The following FRS2 variants were observed in gnomAD, a reference collection of about 807,000 sequenced individuals.
FRS2 encodes the protein fibroblast growth factor receptor substrate 2.
A neutral mutation model predicts 43.9 loss-of-function variants in FRS2; 8 were observed. That is an observed-to-expected ratio of 0.18 (90% CI 0.11 to 0.33). The LOEUF is 0.33. Among genes scored for constraint, FRS2 ranks in the 10% least tolerant of loss-of-function variants. FRS2 has a pLI of 1.00. For synonymous variants in FRS2, 219 were observed against 220.3 expected (o/e 0.99, Z 0.05); for missense variants, 534 against 627.6 (o/e 0.85, Z 1.59).
In FRS2 at chr12:69,579,296, C is replaced by G. The variant is rs1258808963; in HGVS notation, c.*4341C>G. ...CATGTCATCAGGCATGAAAAGTTTT[C>G]TCATATATGATGTAAACTTGCTTTT... On this transcript the variant is annotated 3_prime_UTR_variant, in exon 9 of 9. Transcript: ENST00000549921. The G allele has an allele frequency of 1.3e-5, 2 of 152,594 alleles. No individual in the cohort carries two copies. The highest frequency in any genetic ancestry group is 2.9e-5 in the Non-Finnish European group (2 of 68,034). 9.5% of individuals were successfully genotyped at this position (152,594 alleles called of 1,614,324 possible).
chr12:69,550,448 G>C (rs765625261), intron 3 of FRS2, among the ~76,000 whole-genome samples: 19 of 152,196 alleles, frequency 1.2e-4, no homozygotes, highest in Non-Finnish European at 1.9e-4. Flanking sequence ...CAGATTCAGA[G>C]AAGTTAAGTA....
chr12:69,525,280 A>G (rs1876102264), intron 1 of FRS2, among the ~76,000 whole-genome samples: 1 of 152,104 alleles, frequency 6.6e-6, no homozygotes, highest in Admixed American at 6.5e-5. Context: ...AAGTATTTAA[A>G]TATGCATTAT....
chr12:69,570,770 G>A (rs1880688023), intron 6 of FRS2, among the ~76,000 whole-genome samples: 1 of 152,150 alleles, frequency 6.6e-6, no homozygotes, highest in Admixed American at 6.6e-5. Context: ...TTGACTAAGT[G>A]TCTTTATCAT....
intron 1 of FRS2, among the ~76,000 whole-genome samples, chr12:69,517,675 G>A (rs1875193478): frequency 6.6e-6 from 1 of 152,040 alleles, no homozygotes; most frequent in African/African-American, 2.4e-5. Context: ...CATAATTCAT[G>A]CATTTATTTA....
intron 3 of FRS2, among the ~76,000 whole-genome samples, chr12:69,535,365 C>T (rs1877173114): frequency 6.6e-6 from 1 of 151,656 alleles, no homozygotes; most frequent in East Asian, 1.9e-4. Flanking sequence ...TTTGTTAATC[C>T]CTACAGTGAT....
chr12:69,573,766 G>C (rs956517901), intron 8 of FRS2, among the ~76,000 whole-genome samples: 3 of 152,168 alleles, frequency 2.0e-5, no homozygotes, highest in Non-Finnish European at 4.4e-5. Context: ...CCCAGCCTGC[G>C]TGTTATTTTG....
chr12:69,559,047 A>T (rs897464658), intron 3 of FRS2, among the ~76,000 whole-genome samples: 2 of 152,222 alleles, frequency 1.3e-5, no homozygotes, highest in Non-Finnish European at 2.9e-5. Context: ...AAAGTGGCTC[A>T]CACCTGTAAT....
intron 1 of FRS2, among the ~76,000 whole-genome samples, chr12:69,479,410 T>C (rs1871163362): frequency 6.6e-6 from 1 of 150,596 alleles, no homozygotes; most frequent in Non-Finnish European, 1.5e-5. Flanking sequence ...TTTTTTTTCT[T>C]TTTTTTTGAG....
chr12:69,490,046 G>A (rs759035649), intron 1 of FRS2, among the ~76,000 whole-genome samples: 7 of 151,442 alleles, frequency 4.6e-5, no homozygotes, highest in South Asian at 2.1e-4. Context: ...ATGTTCAGAT[G>A]GCCAAGTCAT....
At chr12:69,473,347 T>C (rs976697070) in intron 1 of FRS2, among the ~76,000 whole-genome samples, 2 of 152,228 alleles carry the variant, frequency 1.3e-5, no homozygotes, top group Non-Finnish European at 2.9e-5. Flanking sequence ...ACTGGTAACC[T>C]GAGTTTAATG....
intron 1 of FRS2, among the ~76,000 whole-genome samples, chr12:69,491,321 C>A (rs954093301): frequency 1.3e-5 from 2 of 152,184 alleles, no homozygotes; most frequent in East Asian, 3.9e-4. Context: ...CTCTCAAACA[C>A]CTGAGCTCCA....
At chr12:69,550,604 C>A (rs1404525377) in intron 3 of FRS2, among the ~76,000 whole-genome samples, 1 of 152,178 alleles carries the variant, frequency 6.6e-6, no homozygotes, top group East Asian at 1.9e-4. Context: ...TCAAAACATA[C>A]AATACCACCA....
At chr12:69,552,940 A>G (rs1315516987) in intron 3 of FRS2, among the ~76,000 whole-genome samples, 1 of 152,188 alleles carries the variant, frequency 6.6e-6, no homozygotes, top group Non-Finnish European at 1.5e-5. Flanking sequence ...ATGTTTATTA[A>G]GTGGTGGTTC....
At chr12:69,567,381 T>A (rs368597762) in intron 4 of FRS2, among the ~76,000 whole-genome samples, 1 of 152,340 alleles carries the variant, frequency 6.6e-6, no homozygotes, top group African/African-American at 2.4e-5. Flanking sequence ...TTAATACTTA[T>A]ACCTGCTAGG....
rs1488815399 is a variant in FRS2 at position 69,557,636 on chromosome 12, GCAGGTGCATGCA to G, written c.-121-4542_-121-4531del. Among the ~76,000 whole-genome samples, 159 of 146,884 alleles carry G rather than the reference GCAGGTGCATGCA, an allele frequency of 1.1e-3. No homozygotes were observed. In the South Asian group the frequency reaches 0.014, roughly 13 times the overall value. The stretch of plus-strand genomic sequence containing the variant: ...TGTGTGTGTGCGCGCGCGCGCGCGC[GCAGGTGCATGCA>G]CGCTAGGATTGTTGCCCTTGGTACT... On this transcript the variant is annotated intron_variant, in intron 3 of 8. Coordinates refer to ENST00000549921, the MANE Select transcript of FRS2 (RefSeq NM_001278356.2).
chr12:69,569,967 A>C (rs1426864809), intron 5 of FRS2, among the ~76,000 whole-genome samples: 1 of 152,008 alleles, frequency 6.6e-6, no homozygotes, highest in Non-Finnish European at 1.5e-5. Context: ...TTCCCCTCTG[A>C]TTTTATTTTC....
chr12:69,574,105 G>A lies in FRS2; in HGVS notation c.677G>A (p.Ser226Asn), dbSNP rs547186968. Residue 226 changes from serine (S) to asparagine (N), a missense_variant, in exon 9 of 9, where the codon AGC (serine) becomes AAC (asparagine). Ser to Asn is a conservative substitution (Grantham distance 46, BLOSUM62 1). Around this residue, in one of 3 missense-constraint regions of FRS2, gnomAD observed 446 missense variants for 494.2 expected, o/e 0.90. Transcript: ENST00000549921. ...LEARVSNAESSTPKEEPSSIE... is the reference protein window; with the variant it reads ...LEARVSNAESNTPKEEPSSIE... ...GCGAGGGTTTCTAACGCTGAAAGCAGCACACCAAAAGAAGAACCAAGTAGT... is the reference window on the plus strand; with the variant it reads ...GCGAGGGTTTCTAACGCTGAAAGCAACACACCAAAAGAAGAACCAAGTAGT... The A allele has an allele frequency of 1.2e-5, 19 of 1,614,136 alleles. No individual in the cohort carries two copies. The East Asian group carries it at 3.6e-4, about 30-fold the overall frequency.
At chr12:69,493,701 A>G (rs1223497815) in intron 1 of FRS2, among the ~76,000 whole-genome samples, 1 of 152,236 alleles carries the variant, frequency 6.6e-6, no homozygotes, top group Non-Finnish European at 1.5e-5. Context: ...AGCCTGGGCA[A>G]CAAGAGCGAA....
At chr12:69,522,188 CTT>C (rs910750529) in intron 1 of FRS2, among the ~76,000 whole-genome samples, 3 of 108,620 alleles carry the variant, frequency 2.8e-5, no homozygotes, top group Non-Finnish European at 3.8e-5. Flanking sequence ...CTGAAGTTTT[CTT>C]TGTGTGTGTG....
Sources: gnomAD v4.1 joint callset for allele counts (sites outside exome capture counted in the v4.1 genomes callset) on GRCh38, gnomAD v4.1.1 for gene constraint, gnomAD v4.1.1 regional missense constraint, MANE v1.5 for transcripts, NCBI Gene and HGNC (gene_info 2026-07-23, HGNC 2026-07-21) for gene names.